TOP3A: variants seen among roughly 807,000 people sequenced by gnomAD.
TOP3A encodes the protein DNA topoisomerase 3-alpha.
Under a neutral mutation model 111.3 loss-of-function variants are expected in TOP3A, and 64 were observed. The observed-to-expected ratio is 0.57, with a 90% CI of 0.47 to 0.71. The LOEUF (loss-of-function observed/expected upper bound fraction) is 0.71. TOP3A is among the 30% of genes least tolerant of loss of function. The pLI, the probability that TOP3A is intolerant of heterozygous loss-of-function variation, is 0.00. For missense variants in TOP3A, 1,104 were observed against 1,285.0 expected (o/e 0.86, Z 2.15); for synonymous variants, 484 against 485.1 (o/e 1.00, Z 0.03).
chr17:18,280,313 G>T, intron 17 of TOP3A: 1 of 414,048 alleles, frequency 2.4e-6, no homozygotes. Flanking sequence ...ATGGTTCTTT[G>T]CCCATGGCCC....
chr17:18,292,954 T>G, intron 10 of TOP3A, 102 bp from the exon 11 acceptor site: 1 of 1,160,514 alleles, frequency 8.6e-7, no homozygotes, highest in East Asian at 2.5e-5. Context: ...ACTCATCTGA[T>G]GTAGCCAACT....
chr17:18,282,479 C>T (rs990416545), intron 16 of TOP3A, among the ~76,000 whole-genome samples: 4 of 152,198 alleles, frequency 2.6e-5, no homozygotes, highest in African/African-American at 9.6e-5. Flanking sequence ...ACCCCACTAT[C>T]ATTCAGTTTC....
At chr17:18,297,647 G>C (rs1980910980) in intron 9 of TOP3A, among the ~76,000 whole-genome samples, 2 of 152,236 alleles carry the variant, frequency 1.3e-5, no homozygotes, top group South Asian at 4.1e-4. Flanking sequence ...CTGGTCTCCA[G>C]CTCCTAACCG....
In TOP3A at chr17:18,282,853, G is replaced by C; in HGVS notation, c.1878-12C>G. The C allele has an allele frequency of 6.2e-7, 1 of 1,613,786 alleles. No homozygotes were observed. The highest frequency in any genetic ancestry group is 8.5e-7 in the Non-Finnish European group (1 of 1,180,000). ...AGGCCTCGTCCAATCTGAAGAAAAGGCAAAGACAGACACCCATCAGCCAGC... is the reference window on the plus strand; with the variant it reads ...AGGCCTCGTCCAATCTGAAGAAAAGCCAAAGACAGACACCCATCAGCCAGC... On this transcript the variant is annotated splice_polypyrimidine_tract_variant and intron_variant, in intron 15 of 18. Transcript: ENST00000321105.
At chr17:18,296,558 G>A (rs780299431) in intron 9 of TOP3A, among the ~76,000 whole-genome samples, 10 of 152,128 alleles carry the variant, frequency 6.6e-5, no homozygotes, top group East Asian at 1.9e-4. Flanking sequence ...CCAGCCTGGC[G>A]ACAGAGCAAG....
chr17:18,272,520 C>A lies in TOP3A; in HGVS notation c.*2282G>T, dbSNP rs1226006001. Among the ~76,000 whole-genome samples, 1 of 152,182 alleles carries A rather than the reference C, an allele frequency of 6.6e-6. No homozygotes were observed. The highest frequency in any genetic ancestry group is 6.6e-5 in the Admixed American group (1 of 15,266). ...CACAATAGCCAAAAAGTGGAAACAA[C>A]CCAATGTCCATCAACTGACAAATGG... On this transcript the variant is annotated 3_prime_UTR_variant, in exon 19 of 19. Transcript: ENST00000321105.
intron 18 of TOP3A, among the ~76,000 whole-genome samples, chr17:18,277,185 CA>C (rs34363304): frequency 0.32 from 31,088 of 96,124 alleles, 3,010 homozygotes; most frequent in East Asian, 0.46. Context: ...ACTCAGTCTC[CA>C]AAAAAAAAAA....
intron 2 of TOP3A, 192 bp downstream of exon 2, chr17:18,308,690 G>A (rs1275274934): frequency 6.4e-6 from 3 of 468,838 alleles, no homozygotes; most frequent in South Asian, 4.4e-5. Flanking sequence ...TTGTAATGAA[G>A]AGCTGAGATG....
intron 1 of TOP3A, among the ~76,000 whole-genome samples, chr17:18,309,980 G>A (rs1981814814): frequency 6.6e-6 from 1 of 151,646 alleles, no homozygotes; most frequent in Non-Finnish European, 1.5e-5. Context: ...AAAGTGCTGG[G>A]ATTACAGGTG....
rs139139309 is a variant in TOP3A at position 18,278,353 on chromosome 17, T to G, written c.2149A>C (p.Lys717Gln). 1.3e-4 allele frequency: 204 copies of G among 1,511,732 alleles called. No homozygotes were observed. The highest frequency in any genetic ancestry group is 1.1e-3 in the Middle Eastern group (6 of 5,572). The allele number at this position is 1,511,732 out of a possible 1,614,324, so 93.6% of individuals were successfully genotyped here. The change falls in exon 18 of 19, where the codon AAG becomes CAG. Residue 717 changes from lysine (K) to glutamine (Q), a missense_variant. Coordinates refer to ENST00000321105, the MANE Select transcript of TOP3A (RefSeq NM_004618.5). ...VCQPHPVYRL[K>Q]LKFKRGSLPP... Reference sequence around the variant, plus strand: ...AGGCTACCGCGCTTAAACTTTAACTTTAACCTAGTGAGGCCAGAAGATGAG... The same window carrying G: ...AGGCTACCGCGCTTAAACTTTAACTGTAACCTAGTGAGGCCAGAAGATGAG...
chr17:18,310,642 T>C (rs1981855039), intron 1 of TOP3A, among the ~76,000 whole-genome samples: 1 of 152,076 alleles, frequency 6.6e-6, no homozygotes, highest in Admixed American at 6.6e-5. Flanking sequence ...AGTGACTGCT[T>C]AATGGATATG....
At chr17:18,296,062 G>A (rs1322304084) in intron 9 of TOP3A, among the ~76,000 whole-genome samples, 4 of 151,726 alleles carry the variant, frequency 2.6e-5, no homozygotes, top group South Asian at 2.1e-4. Flanking sequence ...CACTGCGCCC[G>A]GCCCGAAATC....
chr17:18,286,434 T>C (rs1980110137), intron 13 of TOP3A, among the ~76,000 whole-genome samples: 1 of 151,532 alleles, frequency 6.6e-6, no homozygotes, highest in Non-Finnish European at 1.5e-5. Context: ...AAGAATGGCA[T>C]GAACCTGGGA....
chr17:18,296,573 T>C (rs949828462), intron 9 of TOP3A, among the ~76,000 whole-genome samples: 1 of 152,124 alleles, frequency 6.6e-6, no homozygotes, highest in Non-Finnish European at 1.5e-5. Flanking sequence ...AGCAAGACTC[T>C]GTCTCAAAAA....
Position 18,285,265 on chromosome 17 carries a change from C to A in TOP3A, c.1754G>T (p.Arg585Leu). 6.2e-7 allele frequency: 1 copy of A among 1,614,172 alleles called. No individual in the cohort carries two copies. The highest frequency in any genetic ancestry group is 8.5e-7 in the Non-Finnish European group (1 of 1,180,038). Residue 585 changes from arginine to leucine, a missense_variant, in exon 15 of 19, where the codon CGG becomes CTG. Transcript: ENST00000321105. The stretch of plus-strand genomic sequence containing the variant: ...CTTCAGATCAGCTTCCAGTTCAGCC[C>A]GGAGGTCAGGCTTAGACATTTCATA... ...MGYEMSKPDL[R>L]AELEADLKLI... is the part of the protein sequence containing the mutation.
At chr17:18,308,545 A>T (rs991253702) in intron 2 of TOP3A, 121 bp from the exon 3 acceptor site, 1 of 642,668 alleles carries the variant, frequency 1.6e-6, no homozygotes, top group South Asian at 2.4e-5. Context: ...ATTGGGAAGA[A>T]ATAAACATAA....
In TOP3A at chr17:18,314,865, A is replaced by G; in HGVS notation, c.-87T>C. The G allele has an allele frequency of 3.3e-6, 3 of 905,008 alleles. No homozygotes were observed. Among genetic ancestry groups the G allele is most frequent in the Non-Finnish European group, 4.7e-6 (3 of 644,506 alleles). 56.1% of individuals were successfully genotyped at this position (905,008 alleles called of 1,614,324 possible). A position where few individuals can be genotyped will look rare whatever the true frequency, so the allele number is the denominator to read the frequency against. On this transcript the variant is annotated 5_prime_UTR_variant, in exon 1 of 19. Transcript: ENST00000321105. ...TGAGGCTCAAATGGCGCCCACCGAA[A>G]GGGAACCAGAGCCTCGCTTCGGTCA... is the stretch of plus-strand genomic sequence containing the variant.
At chr17:18,279,382 G>A (rs571473845) in intron 17 of TOP3A, among the ~76,000 whole-genome samples, 259 of 151,926 alleles carry the variant, frequency 1.7e-3, no homozygotes, top group African/African-American at 5.8e-3. Flanking sequence ...TCAGCCTGCC[G>A]AGTAGCTGGG....
rs773314118 is a variant in TOP3A, at chr17:18,290,692, G to C, written c.1468-6C>G. The C allele has an allele frequency of 2.1e-5, 33 of 1,589,968 alleles. No individual in the cohort carries two copies. The East Asian group carries it at 5.8e-4, about 28-fold the overall frequency. ...TGCTCATAGACAGGGAGGATCTACA[G>C]GGAGCGGCAGGTGCAACAGTCAGAT... On this transcript the variant is annotated splice_polypyrimidine_tract_variant and splice_region_variant and intron_variant, in intron 12 of 18. Coordinates refer to ENST00000321105, the MANE Select transcript of TOP3A (RefSeq NM_004618.5).
Sources: gnomAD v4.1 joint callset for allele counts (sites outside exome capture counted in the v4.1 genomes callset) on GRCh38, gnomAD v4.1.1 for gene constraint, MANE v1.5 for transcripts, NCBI Gene and HGNC (gene_info 2026-07-23, HGNC 2026-07-21) for gene names.